The following ZHX2 variants were observed in gnomAD, a reference collection of about 807,000 sequenced individuals.
ZHX2 encodes zinc fingers and homeoboxes protein 2.
ZHX2 carries 6 observed loss-of-function variants against 21.9 expected under a neutral mutation model. The ratio of observed to expected loss-of-function variants is 0.27; its 90% CI spans 0.15 to 0.54. ZHX2 has a LOEUF of 0.54. Ranked by LOEUF, ZHX2 falls within the 20% of genes least tolerant of loss-of-function variation. The pLI is 0.95. For synonymous variants in ZHX2, 434 were observed against 437.1 expected (o/e 0.99, Z 0.09); for missense variants, 908 against 1,090.7 (o/e 0.83, Z 2.36).
intron 3 of ZHX2, among the ~76,000 whole-genome samples, chr8:122,957,428 T>C (rs1813334439): frequency 6.6e-6 from 1 of 151,936 alleles, no homozygotes; most frequent in South Asian, 2.1e-4. Context: ...ATCAGATATC[T>C]CTGATGGCTC....
chr8:122,838,561 T>G (rs926369849), intron 1 of ZHX2, among the ~76,000 whole-genome samples: 7 of 150,144 alleles, frequency 4.7e-5, no homozygotes, highest in Admixed American at 1.4e-4. Context: ...GTCTACAGTA[T>G]TTAGTAATGT....
chr8:122,931,979 G>C (rs1821004827), intron 2 of ZHX2, among the ~76,000 whole-genome samples: 1 of 152,150 alleles, frequency 6.6e-6, no homozygotes, highest in South Asian at 2.1e-4. Context: ...GTACGAGCTG[G>C]TGCGTGACTC....
intron 2 of ZHX2, among the ~76,000 whole-genome samples, chr8:122,905,556 G>T (rs779554478): frequency 1.3e-5 from 2 of 152,292 alleles, no homozygotes; most frequent in South Asian, 2.1e-4. Context: ...ATGATAGAAG[G>T]ATTCTTAGAA....
intron 1 of ZHX2, among the ~76,000 whole-genome samples, chr8:122,826,789 A>G (rs1012986953): frequency 2.6e-5 from 4 of 152,132 alleles, no homozygotes; most frequent in African/African-American, 9.6e-5. Flanking sequence ...CAAGAGAGAG[A>G]GAACCCAGAG....
chr8:122,798,705 C>G (rs1374727941), intron 1 of ZHX2, among the ~76,000 whole-genome samples: 2 of 151,908 alleles, frequency 1.3e-5, no homozygotes, highest in Non-Finnish European at 2.9e-5. Flanking sequence ...ATCACTTGAA[C>G]CCAGGAGGCA....
At chr8:122,836,520 C>T (rs1048610117) in intron 1 of ZHX2, among the ~76,000 whole-genome samples, 3 of 152,140 alleles carry the variant, frequency 2.0e-5, no homozygotes, top group African/African-American at 4.8e-5. Flanking sequence ...CAACACGAGG[C>T]GGTGTGGAGC....
At chr8:122,907,260 C>T (rs1041051723) in intron 2 of ZHX2, among the ~76,000 whole-genome samples, 1 of 152,118 alleles carries the variant, frequency 6.6e-6, no homozygotes, top group Non-Finnish European at 1.5e-5. Flanking sequence ...TGATTTTATA[C>T]ATTTTAGGGA....
intron 2 of ZHX2, among the ~76,000 whole-genome samples, chr8:122,914,543 C>G (rs1389740460): frequency 1.3e-5 from 2 of 152,236 alleles, no homozygotes; most frequent in African/African-American, 2.4e-5. Context: ...CGCCCTGTCC[C>G]TGGTTCCCAA....
chr8:122,921,697 A>T (rs1820745441), intron 2 of ZHX2, among the ~76,000 whole-genome samples: 1 of 152,076 alleles, frequency 6.6e-6, no homozygotes, highest in African/African-American at 2.4e-5. Context: ...GGAGGGAGGA[A>T]GGAAGGAGAA....
At chr8:122,796,005 T>C (rs1178082284) in intron 1 of ZHX2, among the ~76,000 whole-genome samples, 1 of 152,022 alleles carries the variant, frequency 6.6e-6, no homozygotes, top group Admixed American at 6.6e-5. Context: ...ACCCTGTCTC[T>C]ACAAAAAATA....
chr8:122,920,234 G>A (rs112597801), intron 2 of ZHX2, among the ~76,000 whole-genome samples: 9,089 of 152,006 alleles, frequency 0.06, 575 homozygotes, highest in African/African-American at 0.16. Context: ...AGATCGTGCC[G>A]TTGCACTCCA....
At position 122,897,089 on chromosome 8, in the gene ZHX2, T is replaced by A. The variant is rs73333667; in HGVS notation, c.-220+33550T>A. On this transcript the variant is annotated intron_variant, in intron 2 of 3. Transcript: ENST00000314393. Reference sequence around the variant, plus strand: ...TTTTCCTTGGCAACTTGATAGACCCTTGGTGTCTTGGGAGCCTGCTCAAAT... The same window carrying A: ...TTTTCCTTGGCAACTTGATAGACCCATGGTGTCTTGGGAGCCTGCTCAAAT... Among the ~76,000 whole-genome samples the A allele has an allele frequency of 6.1e-3, 931 of 152,356 alleles. 6 individuals are homozygous for A. The highest frequency in any genetic ancestry group is 0.021 in the African/African-American group (877 of 41,580).
At chr8:122,840,247 C>T (rs936233316) in intron 1 of ZHX2, among the ~76,000 whole-genome samples, 2 of 152,168 alleles carry the variant, frequency 1.3e-5, no homozygotes, top group African/African-American at 4.8e-5. Flanking sequence ...ATTGTAATTG[C>T]CTAAGTCCTT....
chr8:122,915,904 C>A (rs1006832502), intron 2 of ZHX2, among the ~76,000 whole-genome samples: 1 of 152,174 alleles, frequency 6.6e-6, no homozygotes, highest in Non-Finnish European at 1.5e-5. Context: ...TGCTTTAGCT[C>A]TCCAGCTCTT....
chr8:122,888,575 G>A (rs556219380), intron 2 of ZHX2, among the ~76,000 whole-genome samples: 9 of 152,146 alleles, frequency 5.9e-5, no homozygotes, highest in Non-Finnish European at 7.4e-5. Context: ...TCCGCCTCCC[G>A]GGTTCAAAAC....
chr8:122,842,805 C>T (rs981991331), intron 1 of ZHX2, among the ~76,000 whole-genome samples: 3 of 152,232 alleles, frequency 2.0e-5, no homozygotes, highest in African/African-American at 7.2e-5. Flanking sequence ...CTGAACACTC[C>T]CAGAAGTTCT....
chr8:122,780,541 T>C (rs548748096), upstream of ZHX2: 1 of 152,256 alleles, frequency 6.6e-6, no homozygotes, highest in African/African-American at 2.4e-5. Context: ...GATCCCGAAG[T>C]GTACCCAGAT....
intron 2 of ZHX2, among the ~76,000 whole-genome samples, chr8:122,917,431 G>A (rs1820632468): frequency 6.6e-6 from 1 of 151,958 alleles, no homozygotes; most frequent in Non-Finnish European, 1.5e-5. Flanking sequence ...CTGCAACCAT[G>A]AGAATCCCTC....
chr8:122,910,290 T>G (rs968811141), intron 2 of ZHX2, among the ~76,000 whole-genome samples: 6 of 152,190 alleles, frequency 3.9e-5, no homozygotes, highest in African/African-American at 1.4e-4. Context: ...ATCTTGGTTT[T>G]GCAGATGAGG....
Sources: gnomAD v4.1 joint callset for allele counts (sites outside exome capture counted in the v4.1 genomes callset) on GRCh38, gnomAD v4.1.1 for gene constraint, MANE v1.5 for transcripts, NCBI Gene and HGNC (gene_info 2026-07-23, HGNC 2026-07-21) for gene names.